The following MAP3K13 variants were observed in gnomAD, a reference collection of about 807,000 sequenced individuals.
The protein encoded by MAP3K13 is mitogen-activated protein kinase kinase kinase 13.
A neutral mutation model predicts 104.0 loss-of-function variants in MAP3K13; 52 were observed. The observed-to-expected ratio is 0.50, with a 90% CI of 0.40 to 0.63. The LOEUF (loss-of-function observed/expected upper bound fraction) is 0.63, where lower values mean the gene tolerates loss of function less well. Ranked by LOEUF, MAP3K13 falls within the 20% of genes least tolerant of loss-of-function variation. MAP3K13 has a pLI of 0.00. For missense variants in MAP3K13, 914 were observed against 1,218.5 expected (o/e 0.75, Z 3.72); for synonymous variants, 394 against 442.2 (o/e 0.89, Z 1.37).
chr3:185,351,191 A>G (rs778765440), intron 2 of MAP3K13, among the ~76,000 whole-genome samples: 51 of 152,302 alleles, frequency 3.3e-4, no homozygotes, highest in Non-Finnish European at 6.2e-4. Context: ...ATCAGGGCCT[A>G]TTTGAAGGTG....
chr3:185,435,622 G>A (rs1231680306), intron 2 of MAP3K13, among the ~76,000 whole-genome samples: 1 of 152,168 alleles, frequency 6.6e-6, no homozygotes. Context: ...CAGTAGAGTG[G>A]AAACCTTTAA....
intron 11 of MAP3K13, chr3:185,476,907 GA>G (rs998843907): frequency 1.9e-5 from 6 of 314,964 alleles, no homozygotes; most frequent in African/African-American, 1.3e-4. Context: ...TATAAAAAGG[GA>G]AAAAGTAATT....
intron 1 of MAP3K13, among the ~76,000 whole-genome samples, chr3:185,410,523 A>C (rs959214792): frequency 7.9e-5 from 12 of 152,194 alleles, no homozygotes; most frequent in Admixed American, 2.0e-4. Flanking sequence ...AAAAAAAGAT[A>C]AATGTTCAAG....
chr3:185,361,203 C>A (rs535695521), upstream of MAP3K13, among the ~76,000 whole-genome samples: 2 of 149,330 alleles, frequency 1.3e-5, no homozygotes, highest in African/African-American at 4.9e-5. Context: ...CACACACACA[C>A]AAATTGATGT....
At chr3:185,354,269 T>G (rs1243198669) in intron 2 of MAP3K13, among the ~76,000 whole-genome samples, 5 of 151,264 alleles carry the variant, frequency 3.3e-5, no homozygotes, top group Admixed American at 2.6e-4. Flanking sequence ...GGTCTGCTCC[T>G]ACCTCTCTGT....
At position 185,381,383 on chromosome 3, in the gene MAP3K13, A is replaced by G. The variant is rs556981103; in HGVS notation, c.-86+18015A>G. Among the ~76,000 whole-genome samples the G allele has an allele frequency of 8.5e-5, 13 of 152,374 alleles. 1 individual carries two copies. Among genetic ancestry groups the G allele is most frequent in the African/African-American group, 2.9e-4 (12 of 41,596 alleles). On this transcript the variant is annotated intron_variant, in intron 1 of 13. Transcript: ENST00000265026. ...TTAATCCTCGTTATTCACAGATACT[A>G]TATTTGCAAATTCACCTAGTGGCTA...
chr3:185,314,545 G>A (rs1721607834), intron 2 of MAP3K13, among the ~76,000 whole-genome samples: 1 of 150,890 alleles, frequency 6.6e-6, no homozygotes, highest in African/African-American at 2.4e-5. Flanking sequence ...GAGCCCAGGA[G>A]GCGGAGGTTG....
chr3:185,417,761 T>A lies in MAP3K13; in HGVS notation c.-85-10736T>A. ...TTGTGATTCCTGGCCTGGCGAAGAA[T>A]GGTGTTCCGGCGCATGGTCTTTGCA... On this transcript the variant is annotated intron_variant, in intron 1 of 13. Coordinates refer to ENST00000265026, the MANE Select transcript of MAP3K13 (RefSeq NM_004721.5). 1.9e-6 allele frequency: 3 copies of A among 1,612,348 alleles called. No individual in the cohort carries two copies. The Admixed American group carries it at 5.0e-5, about 27-fold the overall frequency.
intron 1 of MAP3K13, among the ~76,000 whole-genome samples, chr3:185,416,410 C>T (rs576278912): frequency 1.3e-5 from 2 of 151,650 alleles, no homozygotes; most frequent in East Asian, 1.9e-4. Context: ...TATACTATCT[C>T]GTATAATCAT....
intron 1 of MAP3K13, among the ~76,000 whole-genome samples, chr3:185,399,547 G>A (rs1230709654): frequency 2.0e-5 from 3 of 148,996 alleles, no homozygotes; most frequent in African/African-American, 7.4e-5. Context: ...GGCAAAGGTT[G>A]CAGTGAGCGG....
In MAP3K13 at chr3:185,428,848, A is replaced by G; in HGVS notation, c.267A>G (p.Glu89=). 6.2e-7 allele frequency: 1 copy of G among 1,614,170 alleles called. No homozygotes were observed. Among genetic ancestry groups the G allele is most frequent in the South Asian group, 1.1e-5 (1 of 91,086 alleles). ...AGAACAGCGTTCTTCAGCTAAGGGAACACGATGAATCAGAGACGGCGGTGT... is the reference window on the plus strand; with the variant it reads ...AGAACAGCGTTCTTCAGCTAAGGGAGCACGATGAATCAGAGACGGCGGTGT... ...QFENSVLQLR[E]HDESETAVSQ... is the part of the protein sequence containing the mutation. Residue 89 remains glutamate, a synonymous_variant, in exon 2 of 14, where the codon GAA becomes GAG. Transcript: ENST00000265026.
rs572871824 is a variant in MAP3K13, at chr3:185,409,226, G to A, written c.-85-19271G>A. On this transcript the variant is annotated intron_variant, in intron 1 of 13. Transcript: ENST00000265026. ...CTACCAAAAATACAAAAATTAGCCA[G>A]GCGTGGTGGTGTGTGCCTGTAGTCC... 1.2e-3 allele frequency among the ~76,000 whole-genome samples: 182 copies of A among 152,310 alleles called. 1 individual carries two copies. The highest frequency in any genetic ancestry group is 3.9e-3 in the African/African-American group (163 of 41,566).
chr3:185,472,566 G>T (rs551206786), intron 10 of MAP3K13, among the ~76,000 whole-genome samples: 3 of 152,070 alleles, frequency 2.0e-5, no homozygotes, highest in Non-Finnish European at 4.4e-5. Flanking sequence ...TTGGGACGTT[G>T]TTCCATAAAC....
At chr3:185,348,899 G>T (rs1419845222) in intron 2 of MAP3K13, among the ~76,000 whole-genome samples, 4 of 151,918 alleles carry the variant, frequency 2.6e-5, no homozygotes, top group Admixed American at 6.6e-5. Context: ...CCTGGCAACA[G>T]AGCGAGACTC....
chr3:185,460,826 T>A (rs952607124), intron 7 of MAP3K13, among the ~76,000 whole-genome samples: 1 of 152,220 alleles, frequency 6.6e-6, no homozygotes, highest in African/African-American at 2.4e-5. Context: ...TCCTTGAGTT[T>A]CCCGTAATTA....
At chr3:185,478,684 C>CA (rs539295295) in intron 12 of MAP3K13, among the ~76,000 whole-genome samples, 143 of 151,944 alleles carry the variant, frequency 9.4e-4, no homozygotes, top group African/African-American at 3.3e-3. Context: ...CCATCCTGGC[C>CA]AACACGGCGA....
chr3:185,303,552 G>A (rs1721179922), intron 2 of MAP3K13, among the ~76,000 whole-genome samples: 1 of 151,670 alleles, frequency 6.6e-6, no homozygotes, highest in South Asian at 2.1e-4. Flanking sequence ...GTCTTGGTAG[G>A]TTGTATGTTT....
intron 2 of MAP3K13, among the ~76,000 whole-genome samples, chr3:185,307,546 C>CCCCCCCCCCCCCCCCCCCCCA (rs58408265): frequency 2.7e-4 from 28 of 104,076 alleles, no homozygotes; most frequent in South Asian, 7.7e-4. Flanking sequence ...GCACCACCCC[C>CCCCCCCCCCCCCCCCCCCCCA]TCCCCCGCCA....
chr3:185,414,444 G>A (rs1713628067), intron 1 of MAP3K13, among the ~76,000 whole-genome samples: 1 of 152,196 alleles, frequency 6.6e-6, no homozygotes, highest in Admixed American at 6.6e-5. Flanking sequence ...ACAAACTTAT[G>A]AGACTTAGTT....
Sources: gnomAD v4.1 joint callset for allele counts (sites outside exome capture counted in the v4.1 genomes callset) on GRCh38, gnomAD v4.1.1 for gene constraint, MANE v1.5 for transcripts, NCBI Gene and HGNC (gene_info 2026-07-23, HGNC 2026-07-21) for gene names.